NEK1: variants seen among roughly 807,000 people sequenced by gnomAD.
NEK1 encodes NIMA related kinase 1.
In NEK1, 137 loss-of-function variants were observed where a neutral mutation model predicts 182.1. The ratio of observed to expected loss-of-function variants is 0.75; its 90% CI spans 0.65 to 0.87. The LOEUF (loss-of-function observed/expected upper bound fraction) is 0.87, where lower values mean the gene tolerates loss of function less well. Ranked by LOEUF, NEK1 falls within the 40% of genes least tolerant of loss-of-function variation. The pLI is 0.00. For missense variants in NEK1, 1,391 were observed against 1,494.4 expected (o/e 0.93, Z 1.14); for synonymous variants, 513 against 492.2 (o/e 1.04, Z -0.56).
intron 23 of NEK1, among the ~76,000 whole-genome samples, chr4:169,493,005 G>A (rs1434848947): frequency 6.6e-6 from 1 of 152,132 alleles, no homozygotes; most frequent in Non-Finnish European, 1.5e-5. Context: ...CTTTCTGTTG[G>A]GGCCCAATGG....
chr4:169,542,062 A>T (rs925642726), intron 18 of NEK1, among the ~76,000 whole-genome samples: 1 of 152,138 alleles, frequency 6.6e-6, no homozygotes, highest in Non-Finnish European at 1.5e-5. Flanking sequence ...TCTGGGGTAC[A>T]TGTGCAAAAA....
At chr4:169,575,544 C>A (rs923380190) in intron 12 of NEK1, among the ~76,000 whole-genome samples, 1 of 152,190 alleles carries the variant, frequency 6.6e-6, no homozygotes, top group Non-Finnish European at 1.5e-5. Flanking sequence ...GAGCTTCCCA[C>A]AGAATTCTGC....
At chr4:169,411,286 ATT>A (rs869305455) in intron 31 of NEK1, among the ~76,000 whole-genome samples, 101 of 138,132 alleles carry the variant, frequency 7.3e-4, no homozygotes, top group African/African-American at 1.1e-3. Flanking sequence ...ATCTGACTCT[ATT>A]TTTTTTTTTT....
At position 169,424,738 on chromosome 4, in the gene NEK1, G is replaced by A; in HGVS notation, c.3037C>T (p.Pro1013Ser). 6 of 1,613,832 alleles carry A rather than the reference G, an allele frequency of 3.7e-6. No individual in the cohort carries two copies. The highest frequency in any genetic ancestry group is 5.1e-6 in the Non-Finnish European group (6 of 1,179,786). The change falls in exon 31 of 36, where the codon CCA becomes TCA. Residue 1013 changes from proline (P) to serine (S), a missense_variant. Physicochemically the swap from Pro to Ser is moderately conservative, Grantham distance 74. Around this residue, in one of 5 missense-constraint regions of NEK1, gnomAD observed 1,216 missense variants for 1,277.6 expected, o/e 0.95. Transcript: ENST00000507142. ...GAATGAACCACCTTATGGAAAAATG[G>A]TTCCGGTTGCACAGACTTATCTACA... ...CDVDKSVQPE[P>S]FFHKVVHSEH... is the part of the protein sequence containing the mutation.
At chr4:169,544,982 C>CTGATCTT (rs1760138306) in intron 18 of NEK1, among the ~76,000 whole-genome samples, 2 of 149,588 alleles carry the variant, frequency 1.3e-5, no homozygotes, top group Admixed American at 6.6e-5. Context: ...CTATCTCCTT[C>CTGATCTT]AGTTCTGCTC....
intron 2 of NEK1, among the ~76,000 whole-genome samples, chr4:169,607,104 G>C (rs1771482761): frequency 6.6e-6 from 1 of 152,204 alleles, no homozygotes; most frequent in South Asian, 2.1e-4. Context: ...TGCATACATG[G>C]AGGAGGACTG....
intron 35 of NEK1, among the ~76,000 whole-genome samples, chr4:169,399,278 G>A (rs1334844269): frequency 1.4e-5 from 2 of 147,432 alleles, no homozygotes; most frequent in South Asian, 2.2e-4. Flanking sequence ...CCACATCCTT[G>A]ATAAGAACTA....
chr4:169,405,209 A>G (rs1224525647), intron 32 of NEK1, among the ~76,000 whole-genome samples: 1 of 152,220 alleles, frequency 6.6e-6, no homozygotes, highest in Non-Finnish European at 1.5e-5. Flanking sequence ...CCTAGTCAGT[A>G]TAGCTAACTA....
intron 23 of NEK1, among the ~76,000 whole-genome samples, chr4:169,482,421 T>C (rs557864816): frequency 5.9e-5 from 9 of 152,050 alleles, no homozygotes; most frequent in African/African-American, 2.2e-4. Flanking sequence ...CTTCTCAATG[T>C]GGTTGGGACT....
At chr4:169,419,649 C>G (rs1045322558) in intron 31 of NEK1, among the ~76,000 whole-genome samples, 1 of 152,088 alleles carries the variant, frequency 6.6e-6, no homozygotes, top group Non-Finnish European at 1.5e-5. Context: ...AACAAAGATA[C>G]GTTACGAGAA....
At chr4:169,513,373 C>T (rs1192800603) in intron 19 of NEK1, among the ~76,000 whole-genome samples, 2 of 132,662 alleles carry the variant, frequency 1.5e-5, no homozygotes, top group African/African-American at 3.8e-5. Flanking sequence ...GTATCAGTTT[C>T]CACTTGCTGT....
intron 12 of NEK1, among the ~76,000 whole-genome samples, chr4:169,569,909 G>A (rs1156779254): frequency 6.2e-4 from 95 of 152,134 alleles, no homozygotes; most frequent in Non-Finnish European, 1.8e-4. Flanking sequence ...CTGCCCAGCC[G>A]CCACCCCGTC....
intron 12 of NEK1, among the ~76,000 whole-genome samples, chr4:169,565,974 A>G (rs1164711043): frequency 1.3e-5 from 2 of 152,214 alleles, no homozygotes; most frequent in African/African-American, 4.8e-5. Flanking sequence ...ATATCTCAAT[A>G]AAGCTATTTT....
At chr4:169,498,128 T>A (rs1249514700) in intron 23 of NEK1, among the ~76,000 whole-genome samples, 2 of 152,252 alleles carry the variant, frequency 1.3e-5, no homozygotes, top group Admixed American at 6.5e-5. Flanking sequence ...AGTTAGCTCT[T>A]CTTGTTGAAT....
chr4:169,414,937 T>A (rs1406347461), intron 31 of NEK1, among the ~76,000 whole-genome samples: 2 of 152,220 alleles, frequency 1.3e-5, no homozygotes, highest in Non-Finnish European at 2.9e-5. Context: ...CAAAAATAGC[T>A]GGCCACCTAA....
At chr4:169,530,574 T>A (rs10019043) in intron 19 of NEK1, among the ~76,000 whole-genome samples, 1,671 of 152,168 alleles carry the variant, frequency 0.011, 37 homozygotes, top group African/African-American at 0.038. Flanking sequence ...ATAAATACAT[T>A]TTTGACTAAA....
chr4:169,449,046 C>T (rs1741177852), intron 27 of NEK1, among the ~76,000 whole-genome samples: 1 of 152,264 alleles, frequency 6.6e-6, no homozygotes, highest in Non-Finnish European at 1.5e-5. Context: ...CAGAGCCTTG[C>T]TCACTGCTAG....
chr4:169,425,714 C>A (rs886104178), intron 30 of NEK1, among the ~76,000 whole-genome samples: 2 of 152,120 alleles, frequency 1.3e-5, no homozygotes, highest in East Asian at 3.9e-4. Context: ...GATGGAGTAG[C>A]GCTATGTTGT....
At chr4:169,402,332 A>C (rs1224927593) in intron 32 of NEK1, among the ~76,000 whole-genome samples, 1 of 152,254 alleles carries the variant, frequency 6.6e-6, no homozygotes, top group Non-Finnish European at 1.5e-5. Context: ...TTCCATATAC[A>C]TGCCCATTGG....
Sources: gnomAD v4.1 joint callset for allele counts (sites outside exome capture counted in the v4.1 genomes callset) on GRCh38, gnomAD v4.1.1 for gene constraint, gnomAD v4.1.1 regional missense constraint, MANE v1.5 for transcripts, NCBI Gene and HGNC (gene_info 2026-07-23, HGNC 2026-07-21) for gene names.